MACF1: variants seen among roughly 807,000 people sequenced by gnomAD.
The protein encoded by MACF1 is microtubule actin crosslinking factor 1.
In MACF1, 193 loss-of-function variants were observed where a neutral mutation model predicts 854.8. That is an observed-to-expected ratio of 0.23 (90% CI 0.20 to 0.25). The LOEUF is 0.25. Among genes scored for constraint, MACF1 ranks in the 10% least tolerant of loss-of-function variants. The pLI, the probability that MACF1 is intolerant of heterozygous loss-of-function variation, is 1.00. For missense variants in MACF1, 7,722 were observed against 8,929.1 expected (o/e 0.86, Z 5.45); for synonymous variants, 3,185 against 3,226.7 (o/e 0.99, Z 0.44).
chr1:39,252,758 G>A (rs190356774), intron 4 of MACF1, among the ~76,000 whole-genome samples: 7 of 152,272 alleles, frequency 4.6e-5, no homozygotes, highest in Admixed American at 1.3e-4. Flanking sequence ...ACTGAGAAAA[G>A]GTTCTTGCTA....
intron 58 of MACF1, among the ~76,000 whole-genome samples, chr1:39,414,965 A>C (rs1643230199): frequency 6.6e-6 from 1 of 152,186 alleles, no homozygotes; most frequent in African/African-American, 2.4e-5. Context: ...TTGTTAAGGC[A>C]TAACTCTGTG....
At chr1:39,352,518 T>A (rs1026589254) in intron 43 of MACF1, among the ~76,000 whole-genome samples, 3 of 152,198 alleles carry the variant, frequency 2.0e-5, no homozygotes, top group African/African-American at 7.2e-5. Context: ...TTCTGAATCC[T>A]AGGATTTGTT....
At chr1:39,113,087 C>T (rs979577991) in intron 2 of MACF1, among the ~76,000 whole-genome samples, 2 of 152,152 alleles carry the variant, frequency 1.3e-5, no homozygotes. Flanking sequence ...TTTACATAAC[C>T]TCTTCATTAA....
chr1:39,335,682 G>C lies in MACF1; in HGVS notation c.9094G>C (p.Glu3032Gln). Residue 3032 changes from glutamate (E) to glutamine (Q), a missense_variant, in exon 37 of 101, where the codon GAA (glutamate) becomes CAA (glutamine). Glu to Gln is a conservative substitution (Grantham distance 29). This residue lies in a region of MACF1 where 854 missense variants were observed against 852.6 expected (regional missense o/e 1.00). Coordinates refer to ENST00000564288, the MANE Select transcript of MACF1 (RefSeq NM_001394062.1). ...SSEKGKEADT[E>Q]MGFSITFKIE... is the part of the protein sequence containing the mutation. The stretch of plus-strand genomic sequence containing the variant: ...TGAAAAAGGGAAAGAAGCTGATACA[G>C]AAATGGGATTTTCTATTACTTTTAA... 1 of 1,613,808 alleles carries C rather than the reference G, an allele frequency of 6.2e-7. No homozygotes were observed.
At chr1:39,134,307 A>C (rs899186437) in intron 2 of MACF1, among the ~76,000 whole-genome samples, 4 of 151,874 alleles carry the variant, frequency 2.6e-5, no homozygotes, top group Admixed American at 6.6e-5. Flanking sequence ...CGGCCTCCCA[A>C]AGTGCTGGGA....
At chr1:39,373,655 C>T (rs1228499337) in intron 52 of MACF1, among the ~76,000 whole-genome samples, 1 of 150,796 alleles carries the variant, frequency 6.6e-6, no homozygotes, top group Non-Finnish European at 1.5e-5. Flanking sequence ...GAGTTCAAGA[C>T]CAGCCTGGCC....
At chr1:39,137,858 G>T (rs1056832554) in intron 2 of MACF1, among the ~76,000 whole-genome samples, 8 of 152,112 alleles carry the variant, frequency 5.3e-5, no homozygotes, top group Non-Finnish European at 1.2e-4. Context: ...TGGATCACCT[G>T]AGGTCGCGAG....
Position 39,370,090 on chromosome 1 carries a change from C to T in MACF1, c.12999C>T (p.Thr4333=), listed in dbSNP as rs1649097909. The T allele has an allele frequency of 6.2e-7, 1 of 1,613,978 alleles. No homozygotes were observed. The highest frequency in any genetic ancestry group is 1.1e-5 in the South Asian group (1 of 91,066). The change falls in exon 51 of 101, where the codon ACC becomes ACT. Residue 4333 remains threonine (T), a synonymous_variant. Coordinates refer to ENST00000564288, the MANE Select transcript of MACF1 (RefSeq NM_001394062.1). ...ATGAATTCCGGAAGCTGGTCAGGACCTTCCAGAAATGGTTGAAAGAAACTG... is the reference window on the plus strand; with the variant it reads ...ATGAATTCCGGAAGCTGGTCAGGACTTTCCAGAAATGGTTGAAAGAAACTG... The part of the protein sequence containing the change: ...QLDEFRKLVR[T]FQKWLKETEG...
intron 97 of MACF1, among the ~76,000 whole-genome samples, chr1:39,478,125 C>G (rs1391044092): frequency 1.3e-5 from 2 of 151,690 alleles, no homozygotes; most frequent in Non-Finnish European, 2.9e-5. Context: ...GCCTCAGCCT[C>G]CTGAGTAGCT....
intron 40 of MACF1, 81 bp downstream of exon 40, chr1:39,341,034 T>TC: frequency 8.7e-7 from 1 of 1,144,284 alleles, no homozygotes; most frequent in Non-Finnish European, 1.2e-6. Context: ...TCCATATTTA[T>TC]CTTTTTTTTT....
intron 23 of MACF1, chr1:39,304,413 T>C (rs1050653291): frequency 8.4e-7 from 1 of 1,196,278 alleles, no homozygotes; most frequent in Non-Finnish European, 1.2e-6. Flanking sequence ...ACTTTCCTGC[T>C]AACTGGTTGA....
chr1:39,406,100 CAG>C (rs1410097331), intron 58 of MACF1, among the ~76,000 whole-genome samples: 14 of 152,198 alleles, frequency 9.2e-5, no homozygotes, highest in South Asian at 2.1e-4. Context: ...GCAAAGCACT[CAG>C]AAAGTATTCT....
intron 3 of MACF1, 102 bp from the exon 4 acceptor site, chr1:39,251,744 T>A (rs1226312356): frequency 3.4e-6 from 2 of 585,170 alleles, no homozygotes; most frequent in Admixed American, 4.2e-5. Context: ...TTTTCATATT[T>A]GTTTTTCCTT....
intron 2 of MACF1, among the ~76,000 whole-genome samples, chr1:39,244,378 TTCAAGTGATTTTCCTGCC>T (rs1644959174): frequency 6.6e-6 from 1 of 152,012 alleles, no homozygotes; most frequent in South Asian, 2.1e-4. Flanking sequence ...GCCTCCGAGG[TTCAAGTGATTTTCCTGCC>T]TTAGCCTCCT....
chr1:39,358,097 A>G (rs1001972582), intron 45 of MACF1, among the ~76,000 whole-genome samples: 2 of 152,214 alleles, frequency 1.3e-5, no homozygotes, highest in Middle Eastern at 3.2e-3. Flanking sequence ...ATAGCTAGCT[A>G]ATACCTAATA....
rs201559278 is a variant in MACF1, at chr1:39,293,514, A to G, written c.2049A>G (p.Arg683=). 1.9e-6 allele frequency: 3 copies of G among 1,613,924 alleles called. No homozygotes were observed. The highest frequency in any genetic ancestry group is 2.5e-6 in the Non-Finnish European group (3 of 1,179,940). The part of the protein sequence containing the change: ...HLQSLHKFVS[R]ATAELIWLNE... ...AGAGCCTGCATAAATTTGTTTCCAG[A>G]GCTACAGCTGAGTTGATCTGGTTGA... The change falls in exon 18 of 101, where the codon AGA becomes AGG. Residue 683 remains arginine (R), a synonymous_variant. Coordinates refer to ENST00000564288, the MANE Select transcript of MACF1 (RefSeq NM_001394062.1).
Position 39,447,597 on chromosome 1 carries a change from A to G in MACF1, c.19761+10A>G. On this transcript the variant is annotated intron_variant, in intron 81 of 100. Transcript: ENST00000564288. Reference sequence around the variant, plus strand: ...GATAGAAGAGCACAAGGTAAGTATGATATTATGATGCTGCATTCTTTTTGA... The same window carrying G: ...GATAGAAGAGCACAAGGTAAGTATGGTATTATGATGCTGCATTCTTTTTGA... 2.5e-6 allele frequency: 4 copies of G among 1,614,032 alleles called. No individual in the cohort carries two copies. The highest frequency in any genetic ancestry group is 3.4e-6 in the Non-Finnish European group (4 of 1,179,922).
intron 2 of MACF1, among the ~76,000 whole-genome samples, chr1:39,104,370 C>G (rs1642166527): frequency 1.3e-5 from 2 of 152,190 alleles, no homozygotes. Context: ...TAATAAATCC[C>G]TACCCATATT....
intron 22 of MACF1, 49 bp from the exon 23 acceptor site, chr1:39,302,875 G>A: frequency 6.5e-7 from 1 of 1,545,054 alleles, no homozygotes; most frequent in African/African-American, 1.4e-5. Context: ...AGGAAATAAT[G>A]GGTTGTTGGT....
Sources: allele counts gnomAD v4.1 joint callset (sites outside exome capture counted in the v4.1 genomes callset), GRCh38; gene constraint gnomAD v4.1.1; regional missense constraint gnomAD v4.1.1; transcripts MANE v1.5; gene names NCBI Gene and HGNC (gene_info 2026-07-23, HGNC 2026-07-21).